The following SRD5A1 variants were observed in gnomAD, a reference collection of about 807,000 sequenced individuals.
The protein encoded by SRD5A1 is 3-oxo-5-alpha-steroid 4-dehydrogenase 1.
SRD5A1 carries 22 observed loss-of-function variants against 28.2 expected under a neutral mutation model. The ratio of observed to expected loss-of-function variants is 0.78; its 90% CI spans 0.56 to 1.12. The LOEUF is 1.12. SRD5A1 is among the 50% of genes most tolerant of loss of function. The pLI is 0.00. For missense variants in SRD5A1, 300 were observed against 346.7 expected, an observed-to-expected ratio of 0.87 and a Z score of 1.07; for synonymous variants, 151 against 135.0, an observed-to-expected ratio of 1.12 and a Z score of -0.82.
chr5:6,634,298 GC>G (rs1375279316), intron 1 of SRD5A1, among the ~76,000 whole-genome samples: 2 of 152,224 alleles, frequency 1.3e-5, no homozygotes, highest in Admixed American at 6.5e-5. Context: ...CTGCCCTCCA[GC>G]CTGGGTGACA....
intron 4 of SRD5A1, among the ~76,000 whole-genome samples, chr5:6,664,107 G>A (rs1249010337): frequency 6.6e-6 from 1 of 152,098 alleles, no homozygotes; most frequent in African/African-American, 2.4e-5. Context: ...GGCCAGCCTG[G>A]TATGCACATT....
rs1195088921 is a variant in SRD5A1 at position 6,633,640 on chromosome 5, G to T, written c.64G>T (p.Ala22Ser). Residue 22 changes from alanine to serine, a missense_variant, in exon 1 of 5, where the codon GCC (alanine) becomes TCC (serine). By Grantham distance (99) the Ala-to-Ser change is moderately conservative. Around this residue, in one of 2 missense-constraint regions of SRD5A1, gnomAD observed 174 missense variants for 160.9 expected, o/e 1.08. Transcript: ENST00000274192. ...LLAALAYLQC[A>S]VGCAVFARNR... ...GGCCGCGCTCGCCTACCTGCAGTGC[G>T]CCGTGGGCTGCGCGGTCTTCGCGCG... is the stretch of plus-strand genomic sequence containing the variant. The T allele has an allele frequency of 2.6e-6, 4 of 1,556,030 alleles. No individual in the cohort carries two copies. Among genetic ancestry groups the T allele is most frequent in the Non-Finnish European group, 2.6e-6 (3 of 1,158,096 alleles).
chr5:6,640,004 G>C (rs1231649423), intron 1 of SRD5A1, among the ~76,000 whole-genome samples: 1 of 152,096 alleles, frequency 6.6e-6, no homozygotes, highest in East Asian at 1.9e-4. Context: ...TTTAGCAGTT[G>C]GTAAGTATTT....
intron 4 of SRD5A1, among the ~76,000 whole-genome samples, chr5:6,665,689 A>G (rs1011366476): frequency 1.3e-5 from 2 of 152,220 alleles, no homozygotes; most frequent in South Asian, 4.1e-4. Context: ...GATAACACTG[A>G]CGTTTAAAAA....
intron 1 of SRD5A1, among the ~76,000 whole-genome samples, chr5:6,650,134 T>A (rs1004936207): frequency 2.0e-5 from 3 of 152,152 alleles, no homozygotes; most frequent in African/African-American, 7.2e-5. Context: ...AGTTGTTAAA[T>A]TTATTGGTAT....
At chr5:6,638,351 C>A (rs149210477) in intron 1 of SRD5A1, among the ~76,000 whole-genome samples, 329 of 152,334 alleles carry the variant, frequency 2.2e-3, no homozygotes, top group Non-Finnish European at 3.6e-3. Flanking sequence ...CAGACCAATT[C>A]ATGAATCAGC....
intron 1 of SRD5A1, among the ~76,000 whole-genome samples, chr5:6,649,929 G>C (rs1482572500): frequency 3.3e-5 from 5 of 152,162 alleles, no homozygotes; most frequent in Non-Finnish European, 7.3e-5. Flanking sequence ...ATAGAGAGCA[G>C]TAATATTGCC....
chr5:6,642,965 A>C (rs1405353743), intron 1 of SRD5A1, among the ~76,000 whole-genome samples: 1 of 152,222 alleles, frequency 6.6e-6, no homozygotes, highest in Non-Finnish European at 1.5e-5. Flanking sequence ...GATTTTCTGC[A>C]AAAGACCTGC....
chr5:6,651,317 G>C (rs1055392541), intron 1 of SRD5A1, among the ~76,000 whole-genome samples: 1 of 152,194 alleles, frequency 6.6e-6, no homozygotes, highest in African/African-American at 2.4e-5. Context: ...TCTGGAGTTT[G>C]TACACTGTGG....
At chr5:6,663,923 A>G (rs143995322) in intron 4 of SRD5A1, among the ~76,000 whole-genome samples, 22 of 152,316 alleles carry the variant, frequency 1.4e-4, no homozygotes, top group African/African-American at 4.1e-4. Flanking sequence ...TTTAGAGAAC[A>G]TCTTTCTAAT....
chr5:6,646,585 G>A (rs1205453931), intron 1 of SRD5A1, among the ~76,000 whole-genome samples: 1 of 152,172 alleles, frequency 6.6e-6, no homozygotes, highest in East Asian at 1.9e-4. Context: ...AGTATTCTCT[G>A]ATGGTAGTTT....
chr5:6,664,015 C>T (rs1291880048), intron 4 of SRD5A1, among the ~76,000 whole-genome samples: 1 of 152,136 alleles, frequency 6.6e-6, no homozygotes, highest in Admixed American at 6.5e-5. Flanking sequence ...GAAGAGATCT[C>T]AGGAGCAACG....
chr5:6,645,957 C>T (rs1274033516), intron 1 of SRD5A1, among the ~76,000 whole-genome samples: 1 of 152,148 alleles, frequency 6.6e-6, no homozygotes, highest in Non-Finnish European at 1.5e-5. Context: ...AACCCGTGAT[C>T]TGCATTAGGT....
chr5:6,667,599 C>T (rs207465489), intron 4 of SRD5A1, among the ~76,000 whole-genome samples: 4 of 152,286 alleles, frequency 2.6e-5, no homozygotes, highest in Admixed American at 6.5e-5. Flanking sequence ...CTATTATCCC[C>T]AAAACAAATG....
Position 6,672,405 on chromosome 5 carries a change from AGCT to A in SRD5A1, c.*4139_*4141del, listed in dbSNP as rs1442869522. 11 of 152,294 alleles carry A rather than the reference AGCT, an allele frequency of 7.2e-5. No homozygotes were observed. The allele number at this position is 152,294 out of a possible 1,614,324, so 9.4% of individuals were successfully genotyped here. On this transcript the variant is annotated 3_prime_UTR_variant, in exon 5 of 5. Coordinates refer to ENST00000274192, the MANE Select transcript of SRD5A1 (RefSeq NM_001047.4). ...ATTCTTCTGCCTCAGCCTCCCGAGT[AGCT>A]GGGATTACAGGTGCATGCCACCATG... is the stretch of plus-strand genomic sequence containing the variant.
rs776185174 is a variant in SRD5A1 at position 6,633,790 on chromosome 5, G to T, written c.214G>T (p.Ala72Ser). 40 of 1,597,628 alleles carry T rather than the reference G, an allele frequency of 2.5e-5. No homozygotes were observed. Among genetic ancestry groups the T allele is most frequent in the Non-Finnish European group, 3.4e-5 (40 of 1,179,652 alleles). The change falls in exon 1 of 5, where the codon GCC becomes TCC. Residue 72 changes from alanine (A) to serine (S), a missense_variant. Transcript: ENST00000274192. ...PSLALPLYQYASESAPRLRSA... is the reference protein window; with the variant it reads ...PSLALPLYQYSSESAPRLRSA... ...GCTGGCCCTGCCGCTCTACCAGTAC[G>T]CCAGCGAGTCCGCCCCGCGTCTCCG... is the stretch of plus-strand genomic sequence containing the variant.
intron 1 of SRD5A1, among the ~76,000 whole-genome samples, chr5:6,642,178 G>A (rs1339371935): frequency 6.6e-6 from 1 of 151,706 alleles, no homozygotes; most frequent in African/African-American, 2.4e-5. Flanking sequence ...TTCAAAGTTA[G>A]TGTTTCCTAT....
intron 4 of SRD5A1, among the ~76,000 whole-genome samples, chr5:6,667,061 C>A (rs1407808542): frequency 6.6e-6 from 1 of 152,242 alleles, no homozygotes; most frequent in African/African-American, 2.4e-5. Flanking sequence ...TCCCAGCAGG[C>A]CTGTGAACAC....
intron 1 of SRD5A1, among the ~76,000 whole-genome samples, chr5:6,640,416 C>A (rs913184853): frequency 2.6e-5 from 4 of 152,222 alleles, no homozygotes; most frequent in Non-Finnish European, 5.9e-5. Flanking sequence ...CACATTAATA[C>A]TCTCAGTTCA....
Sources: allele counts gnomAD v4.1 joint callset (sites outside exome capture counted in the v4.1 genomes callset), GRCh38; gene constraint gnomAD v4.1.1; regional missense constraint gnomAD v4.1.1; transcripts MANE v1.5; gene names NCBI Gene and HGNC (gene_info 2026-07-23, HGNC 2026-07-21).